PRDM4: variants seen among roughly 807,000 people sequenced by gnomAD.
The protein encoded by PRDM4 is PR/SET domain 4.
In PRDM4, 38 loss-of-function variants were observed where a neutral mutation model predicts 62.3. That is an observed-to-expected ratio of 0.61 (90% CI 0.47 to 0.80). The LOEUF (loss-of-function observed/expected upper bound fraction) is 0.80. Ranked by LOEUF, PRDM4 falls within the 30% of genes least tolerant of loss-of-function variation. The pLI, the probability that PRDM4 is intolerant of heterozygous loss-of-function variation, is 0.00. For synonymous variants in PRDM4, 339 were observed against 348.2 expected (o/e 0.97, Z 0.30); for missense variants, 858 against 997.1 (o/e 0.86, Z 1.88).
chr12:107,739,125 A>T, intron 11 of PRDM4: 2 of 372,262 alleles, frequency 5.4e-6, no homozygotes, highest in Non-Finnish European at 4.9e-6. Flanking sequence ...TTTTGTCTCT[A>T]GGTTTTTGTA....
Position 107,733,992 on chromosome 12 carries a change from C to A in PRDM4, c.*218G>T. 6.2e-6 allele frequency: 3 copies of A among 483,486 alleles called. No homozygotes were observed. 29.9% of individuals were successfully genotyped at this position (483,486 alleles called of 1,614,324 possible). A position where few individuals can be genotyped will look rare whatever the true frequency, so the allele number is the denominator to read the frequency against. On this transcript the variant is annotated 3_prime_UTR_variant, in exon 12 of 12. Coordinates refer to ENST00000228437, the MANE Select transcript of PRDM4 (RefSeq NM_012406.4). ...AGTTGACACTTCCCTCCCAGTCCAC[C>A]ACTTAAAACAGGACACATGCTCAGT...
intron 2 of PRDM4, 34 bp downstream of exon 2, chr12:107,760,471 T>C (rs1891206355): frequency 1.2e-6 from 2 of 1,611,954 alleles, no homozygotes; most frequent in African/African-American, 1.3e-5. Flanking sequence ...TTTCCAACGA[T>C]GTCACCAGTG....
chr12:107,755,253 C>G (rs554167940), intron 3 of PRDM4, among the ~76,000 whole-genome samples: 2 of 151,802 alleles, frequency 1.3e-5, no homozygotes, highest in African/African-American at 2.4e-5. Flanking sequence ...TGCCACCATG[C>G]GCTGCTAATT....
intron 3 of PRDM4, among the ~76,000 whole-genome samples, chr12:107,756,022 G>A (rs574772111): frequency 2.0e-5 from 3 of 152,228 alleles, no homozygotes; most frequent in South Asian, 2.1e-4. Context: ...GGAGGCGGGC[G>A]GAGGTTGCAG....
In PRDM4 at chr12:107,746,258, A is replaced by G. The variant is rs1022111961; in HGVS notation, c.1276+17T>C. The G allele has an allele frequency of 8.1e-6, 13 of 1,612,638 alleles. No homozygotes were observed. The highest frequency in any genetic ancestry group is 1.0e-5 in the Non-Finnish European group (12 of 1,179,222). ...AAGAAGAGATGTAATAGTGTTTTAC[A>G]GTTCCAAGGTTCTTACCAACTTCTG... is the stretch of plus-strand genomic sequence containing the variant. On this transcript the variant is annotated intron_variant, in intron 6 of 11. Transcript: ENST00000228437.
chr12:107,756,756 G>T (rs1891077422), intron 3 of PRDM4, 76 bp downstream of exon 3: 4 of 1,540,272 alleles, frequency 2.6e-6, no homozygotes, highest in South Asian at 1.2e-5. Context: ...AAGGGGCTCT[G>T]ATCTCTTCTA....
chr12:107,734,451 T>A lies in PRDM4; in HGVS notation c.2165A>T (p.Asn722Ile). 1 of 1,614,182 alleles carries A rather than the reference T, an allele frequency of 6.2e-7. No homozygotes were observed. The highest frequency in any genetic ancestry group is 1.6e-4 in the Middle Eastern group (1 of 6,062). The change falls in exon 12 of 12, where the codon AAT (asparagine) becomes ATT (isoleucine). Residue 722 changes from asparagine (N) to isoleucine (I), a missense_variant. Asn to Ile is a moderately radical substitution (Grantham distance 149). This residue lies in a region of PRDM4 where 355 missense variants were observed against 432.6 expected (regional missense o/e 0.82). Coordinates refer to ENST00000228437, the MANE Select transcript of PRDM4 (RefSeq NM_012406.4). ...LRTNHLKKHL[N>I]SHEGKRDYVC... ...ATAATCCCGTTTTCCTTCATGAGAA[T>A]TGAGATGCTTCTTTAAGTGATTTGT... is the stretch of plus-strand genomic sequence containing the variant.
In PRDM4 at chr12:107,760,528, A is replaced by T. The variant is rs371734820; in HGVS notation, c.-13T>A. 1 of 1,613,256 alleles carries T rather than the reference A, an allele frequency of 6.2e-7. No homozygotes were observed. The highest frequency in any genetic ancestry group is 8.5e-7 in the Non-Finnish European group (1 of 1,179,628). On this transcript the variant is annotated 5_prime_UTR_variant, in exon 2 of 12. Transcript: ENST00000228437. ...ACCTGTGATGCATCGGCTTGGGGCC[A>T]AATATCAGAGAAAGGAGCGCTCGGG...
chr12:107,743,282 T>C lies in PRDM4; in HGVS notation c.1396A>G (p.Ile466Val), dbSNP rs773554206. 4.4e-6 allele frequency: 7 copies of C among 1,606,492 alleles called. No individual in the cohort carries two copies. Among genetic ancestry groups the C allele is most frequent in the Non-Finnish European group, 8.5e-7 (1 of 1,173,414 alleles). ...AATTCTAGGACACCATTGTGGTATA[T>C]CTGCCAACAGAAAGCAAGCACACAT... Reference protein sequence around the residue: ...TDKAVNHIWKIYHNGVLEFCI... With the variant: ...TDKAVNHIWKVYHNGVLEFCI... Residue 466 changes from isoleucine to valine, a missense_variant and splice_region_variant, in exon 8 of 12, where the codon ATA becomes GTA. By Grantham distance (29) the Ile-to-Val change is conservative. Around this residue, in one of 3 missense-constraint regions of PRDM4, gnomAD observed 355 missense variants for 432.6 expected, o/e 0.82. Coordinates refer to ENST00000228437, the MANE Select transcript of PRDM4 (RefSeq NM_012406.4).
chr12:107,744,771 A>G, intron 6 of PRDM4, 110 bp from the exon 7 acceptor site: 1 of 1,441,616 alleles, frequency 6.9e-7, no homozygotes, highest in Non-Finnish European at 9.4e-7. Context: ...AATTTAACCA[A>G]TATGTAGGCT....
intron 10 of PRDM4, among the ~76,000 whole-genome samples, chr12:107,740,381 G>A (rs767128154): frequency 5.3e-5 from 8 of 152,086 alleles, no homozygotes; most frequent in Non-Finnish European, 1.0e-4. Context: ...ATGCTACTCA[G>A]GAGGCTGAGG....
At chr12:107,742,093 A>C in intron 9 of PRDM4, 128 bp downstream of exon 9, 1 of 995,768 alleles carries the variant, frequency 1.0e-6, no homozygotes, top group African/African-American at 1.6e-5. Context: ...TACAAGTAAT[A>C]GTTTGCATTT....
chr12:107,746,250 T>C (rs1329300607), intron 6 of PRDM4, 25 bp downstream of exon 6: 1 of 1,611,288 alleles, frequency 6.2e-7, no homozygotes, highest in East Asian at 2.2e-5. Context: ...GATGTAATAG[T>C]GTTTTACAGT....
At chr12:107,756,685 T>A (rs1421245580) in intron 3 of PRDM4, 147 bp downstream of exon 3, 7 of 927,374 alleles carry the variant, frequency 7.5e-6, no homozygotes, top group Non-Finnish European at 9.4e-6. Flanking sequence ...TTCCATTACC[T>A]ATCACATGTT....
Position 107,743,297 on chromosome 12 carries a change from C to T in PRDM4, c.1396-15G>A. 1 of 1,570,950 alleles carries T rather than the reference C, an allele frequency of 6.4e-7. No individual in the cohort carries two copies. The highest frequency in any genetic ancestry group is 1.4e-5 in the African/African-American group (1 of 74,066). On this transcript the variant is annotated splice_polypyrimidine_tract_variant and intron_variant, in intron 7 of 11. Transcript: ENST00000228437. ...TTGTGGTATATCTGCCAACAGAAAG[C>T]AAGCACACATGTCAAATGCACTGAC...
intron 3 of PRDM4, 77 bp downstream of exon 3, chr12:107,756,755 T>A: frequency 6.5e-7 from 1 of 1,538,876 alleles, no homozygotes; most frequent in Non-Finnish European, 8.9e-7. Context: ...AAAGGGGCTC[T>A]GATCTCTTCT....
At chr12:107,735,699 G>A (rs1170188319) in intron 11 of PRDM4, among the ~76,000 whole-genome samples, 1 of 151,522 alleles carries the variant, frequency 6.6e-6, no homozygotes, top group Non-Finnish European at 1.5e-5. Context: ...GAGTAACCCT[G>A]GCCTAGACAT....
chr12:107,760,819 C>T (rs1030410552), intron 1 of PRDM4, 48 bp from the exon 2 acceptor site: 4 of 309,012 alleles, frequency 1.3e-5, no homozygotes, highest in African/African-American at 6.6e-5. Flanking sequence ...AACAAGGTCG[C>T]AGCCCCCATC....
At chr12:107,746,242 T>C (rs2136320069) in intron 6 of PRDM4, 33 bp downstream of exon 6, 1 of 1,608,722 alleles carries the variant, frequency 6.2e-7, no homozygotes, top group Non-Finnish European at 8.5e-7. Flanking sequence ...GAAGAAGAGA[T>C]GTAATAGTGT....
Sources: gnomAD v4.1 joint callset for allele counts (sites outside exome capture counted in the v4.1 genomes callset) on GRCh38, gnomAD v4.1.1 for gene constraint, gnomAD v4.1.1 regional missense constraint, MANE v1.5 for transcripts, NCBI Gene and HGNC (gene_info 2026-07-23, HGNC 2026-07-21) for gene names.